The following ASIC2 variants were observed in gnomAD, a reference collection of about 807,000 sequenced individuals.
The protein encoded by ASIC2 is acid sensing ion channel subunit 2.
In ASIC2, 25 loss-of-function variants were observed where a neutral mutation model predicts 57.3. That is an observed-to-expected ratio of 0.44 (90% CI 0.32 to 0.61). ASIC2 has a LOEUF of 0.61. Among genes scored for constraint, ASIC2 ranks in the 20% least tolerant of loss-of-function variants. ASIC2 has a pLI of 0.06. For missense variants in ASIC2, 641 were observed against 738.1 expected, an observed-to-expected ratio of 0.87 and a Z score of 1.52; for synonymous variants, 319 against 307.5, an observed-to-expected ratio of 1.04 and a Z score of -0.39.
chr17:33,770,442 G>A (rs567251668), intron 1 of ASIC2, among the ~76,000 whole-genome samples: 69 of 152,278 alleles, frequency 4.5e-4, no homozygotes, highest in African/African-American at 1.6e-3. Context: ...TAGGCTTGTT[G>A]TTTTTGTTGT....
intron 1 of ASIC2, among the ~76,000 whole-genome samples, chr17:33,440,191 A>T (rs1432235598): frequency 6.6e-6 from 1 of 152,170 alleles, no homozygotes; most frequent in Admixed American, 6.5e-5. Context: ...CTGACCAGCT[A>T]GCTGTCTCTG....
intron 1 of ASIC2, among the ~76,000 whole-genome samples, chr17:33,388,266 G>A (rs907003580): frequency 6.6e-6 from 1 of 152,236 alleles, no homozygotes; most frequent in Non-Finnish European, 1.5e-5. Context: ...AGCCTCTGGA[G>A]GGGGTACAGC....
intron 1 of ASIC2, among the ~76,000 whole-genome samples, chr17:33,150,387 G>A (rs951386533): frequency 4.6e-5 from 7 of 152,118 alleles, no homozygotes; most frequent in African/African-American, 1.7e-4. Flanking sequence ...AACTACAGGA[G>A]TCAGAATATT....
chr17:33,545,644 T>C (rs1440530895), intron 1 of ASIC2, among the ~76,000 whole-genome samples: 1 of 152,136 alleles, frequency 6.6e-6, no homozygotes, highest in African/African-American at 2.4e-5. Flanking sequence ...CTCTTTACCA[T>C]AGCTATTGCA....
intron 1 of ASIC2, among the ~76,000 whole-genome samples, chr17:33,325,025 C>T (rs572934761): frequency 6.6e-6 from 1 of 152,302 alleles, no homozygotes; most frequent in African/African-American, 2.4e-5. Flanking sequence ...TCTTTCCGGG[C>T]TCTGTGCTTG....
intron 1 of ASIC2, among the ~76,000 whole-genome samples, chr17:33,273,805 A>C (rs1904599952): frequency 6.6e-6 from 1 of 151,596 alleles, no homozygotes; most frequent in Non-Finnish European, 1.5e-5. Context: ...AAAAGTTTAA[A>C]AAGTTGGGGG....
At chr17:33,473,861 C>T (rs561832769) in intron 1 of ASIC2, among the ~76,000 whole-genome samples, 3 of 151,886 alleles carry the variant, frequency 2.0e-5, no homozygotes, top group Middle Eastern at 3.4e-3. Flanking sequence ...GTCCACCCCC[C>T]ATCACGTACC....
At position 34,040,163 on chromosome 17, in the gene ASIC2, C is replaced by G. The variant is rs1337635068; in HGVS notation, c.555+115815G>C. Among the ~76,000 whole-genome samples the G allele has an allele frequency of 1.4e-3, 154 of 108,108 alleles. 1 individual carries two copies. Among genetic ancestry groups the G allele is most frequent in the African/African-American group, 3.6e-3 (66 of 18,332 alleles). 70.9% of individuals were successfully genotyped at this position (108,108 alleles called of 152,430 possible). On this transcript the variant is annotated intron_variant, in intron 1 of 9. Coordinates refer to the ASIC2 transcript ENST00000359872. ...GGCCACGGGACCGGCCTCCTGGCGC[C>G]GGACAAAGGCCAAGGGAGGCGCAGG...
At chr17:33,223,082 A>C (rs1267833479) in intron 1 of ASIC2, among the ~76,000 whole-genome samples, 2 of 152,210 alleles carry the variant, frequency 1.3e-5, no homozygotes, top group Non-Finnish European at 2.9e-5. Flanking sequence ...TAAAAGGCCT[A>C]ATTAACCCTA....
chr17:33,819,190 C>T (rs1289398685), intron 1 of ASIC2, among the ~76,000 whole-genome samples: 2 of 152,180 alleles, frequency 1.3e-5, no homozygotes, highest in African/African-American at 2.4e-5. Flanking sequence ...TGGAACAGTG[C>T]AATGGGATTC....
chr17:33,313,651 TG>T (rs959926494), intron 1 of ASIC2, among the ~76,000 whole-genome samples: 5 of 152,184 alleles, frequency 3.3e-5, no homozygotes, highest in Admixed American at 1.3e-4. Flanking sequence ...AACTGAACGA[TG>T]GGCCCCTGTG....
At chr17:34,012,682 C>G (rs1243194814) in intron 1 of ASIC2, among the ~76,000 whole-genome samples, 1 of 151,844 alleles carries the variant, frequency 6.6e-6, no homozygotes, top group South Asian at 2.1e-4. Context: ...ATTTTTTTCT[C>G]TCCTACTATA....
chr17:33,542,921 T>C (rs1392004200), intron 1 of ASIC2, among the ~76,000 whole-genome samples: 2 of 151,902 alleles, frequency 1.3e-5, no homozygotes. Flanking sequence ...ATTAAGAAAA[T>C]GTGGCACATA....
chr17:33,375,836 C>A (rs1909257616), intron 1 of ASIC2, among the ~76,000 whole-genome samples: 1 of 152,138 alleles, frequency 6.6e-6, no homozygotes, highest in African/African-American at 2.4e-5. Context: ...TCCTGAGTAA[C>A]TGAAAGTGCT....
At chr17:33,832,442 G>A (rs1421921598) in intron 1 of ASIC2, among the ~76,000 whole-genome samples, 1 of 152,164 alleles carries the variant, frequency 6.6e-6, no homozygotes, top group Non-Finnish European at 1.5e-5. Flanking sequence ...CTGACCAGAA[G>A]GCCTAATGAC....
intron 1 of ASIC2, among the ~76,000 whole-genome samples, chr17:33,799,813 A>T (rs1296773689): frequency 2.0e-5 from 3 of 152,118 alleles, no homozygotes; most frequent in Non-Finnish European, 4.4e-5. Context: ...TACTCTTTAC[A>T]TAGATGATAA....
chr17:33,813,370 AAAAC>A (rs551935444), intron 1 of ASIC2, among the ~76,000 whole-genome samples: 59 of 152,276 alleles, frequency 3.9e-4, no homozygotes, highest in East Asian at 2.5e-3. Flanking sequence ...CAAAAAACAA[AAAAC>A]AAACAAACAA....
chr17:33,275,377 TCTC>T (rs1904663306), intron 1 of ASIC2, among the ~76,000 whole-genome samples: 1 of 152,090 alleles, frequency 6.6e-6, no homozygotes, highest in Admixed American at 6.5e-5. Flanking sequence ...TAACCTCAGT[TCTC>T]CTCTGCAGCT....
chr17:33,153,302 C>G (rs1904874273), intron 1 of ASIC2, among the ~76,000 whole-genome samples: 1 of 152,206 alleles, frequency 6.6e-6, no homozygotes, highest in African/African-American at 2.4e-5. Flanking sequence ...TTCCACTCCA[C>G]TTTAAGGAGC....
Sources: gnomAD v4.1 joint callset for allele counts (sites outside exome capture counted in the v4.1 genomes callset) on GRCh38, gnomAD v4.1.1 for gene constraint, MANE v1.5 for transcripts, NCBI Gene and HGNC (gene_info 2026-07-23, HGNC 2026-07-21) for gene names.